ASH1L: variants seen among roughly 807,000 people sequenced by gnomAD.
The protein encoded by ASH1L is histone-lysine N-methyltransferase ASH1L.
In ASH1L, 23 loss-of-function variants were observed where a neutral mutation model predicts 269.0. The observed-to-expected ratio is 0.09, with a 90% CI of 0.06 to 0.12. The LOEUF is 0.12. ASH1L is among the 10% of genes least tolerant of loss of function. ASH1L has a pLI of 1.00. For synonymous variants in ASH1L, 1,187 were observed against 1,253.5 expected (o/e 0.95, Z 1.12); for missense variants, 2,912 against 3,567.8 (o/e 0.82, Z 4.68).
At chr1:155,443,389 A>G (rs780041784) in intron 4 of ASH1L, among the ~76,000 whole-genome samples, 9 of 152,244 alleles carry the variant, frequency 5.9e-5, no homozygotes, top group Non-Finnish European at 1.2e-4. Context: ...AGTCTAGGAC[A>G]TGATGCTGCA....
At chr1:155,367,206 C>T (rs979765313) in intron 12 of ASH1L, among the ~76,000 whole-genome samples, 2 of 152,126 alleles carry the variant, frequency 1.3e-5, no homozygotes, top group Non-Finnish European at 2.9e-5. Context: ...GTTGGTCAGA[C>T]TGGTCTCAAA....
chr1:155,411,101 T>C (rs1238945260), intron 6 of ASH1L, among the ~76,000 whole-genome samples: 3 of 152,128 alleles, frequency 2.0e-5, no homozygotes, highest in Non-Finnish European at 4.4e-5. Context: ...AGTGGGCAGG[T>C]TGTGTGTATG....
At chr1:155,426,323 G>A (rs1244983331) in intron 5 of ASH1L, among the ~76,000 whole-genome samples, 2 of 151,958 alleles carry the variant, frequency 1.3e-5, no homozygotes, top group East Asian at 3.9e-4. Context: ...ACCTGCCTTG[G>A]CCTCCCAAAG....
intron 3 of ASH1L, among the ~76,000 whole-genome samples, chr1:155,470,387 A>T (rs1665006826): frequency 6.6e-6 from 1 of 151,922 alleles, no homozygotes; most frequent in South Asian, 2.1e-4. Context: ...TGAGCCTGGG[A>T]GGCGGAGGTT....
intron 10 of ASH1L, among the ~76,000 whole-genome samples, chr1:155,376,952 G>A (rs936011613): frequency 1.3e-5 from 2 of 151,284 alleles, no homozygotes; most frequent in African/African-American, 2.4e-5. Flanking sequence ...TTGTTGCCCA[G>A]GCTGGAGTGC....
At chr1:155,489,773 A>G (rs1666623508) in intron 2 of ASH1L, among the ~76,000 whole-genome samples, 1 of 147,926 alleles carries the variant, frequency 6.8e-6, no homozygotes, top group South Asian at 2.1e-4. Flanking sequence ...AAATAAATAA[A>G]TAAATGGGGA....
rs768942741 is a variant in ASH1L, at chr1:155,357,370, G to A, written c.7001C>T (p.Thr2334Ile). ...LSEEPSENIN[T>I]PTRLTPQLQM... ...TAATTGGGGGGTCAATCTAGTTGGG[G>A]TGTTGATATTTTCACTGGGTTCCTC... The change falls in exon 15 of 28, where the codon ACC becomes ATC. Residue 2334 changes from threonine to isoleucine, a missense_variant. Coordinates refer to ENST00000392403, the MANE Select transcript of ASH1L (RefSeq NM_018489.3). 3 of 1,613,868 alleles carry A rather than the reference G, an allele frequency of 1.9e-6. No individual in the cohort carries two copies. Among genetic ancestry groups the A allele is most frequent in the Non-Finnish European group, 2.5e-6 (3 of 1,179,936 alleles).
At chr1:155,508,797 A>G (rs1164195857) in intron 2 of ASH1L, among the ~76,000 whole-genome samples, 1 of 152,200 alleles carries the variant, frequency 6.6e-6, no homozygotes, top group African/African-American at 2.4e-5. Flanking sequence ...GCTGCCTCAT[A>G]GGAGTAAGAA....
chr1:155,412,500 G>C (rs1466157764), intron 6 of ASH1L, among the ~76,000 whole-genome samples: 1 of 152,180 alleles, frequency 6.6e-6, no homozygotes, highest in African/African-American at 2.4e-5. Context: ...TTCCTGGAGG[G>C]TAGTGCGCCC....
intron 4 of ASH1L, among the ~76,000 whole-genome samples, chr1:155,444,995 T>C (rs1662899710): frequency 6.6e-6 from 1 of 152,054 alleles, no homozygotes; most frequent in Non-Finnish European, 1.5e-5. Flanking sequence ...TCTTAAAGAT[T>C]TTTTCCTATT....
intron 2 of ASH1L, among the ~76,000 whole-genome samples, chr1:155,514,345 C>T (rs1668363976): frequency 6.6e-6 from 1 of 152,126 alleles, no homozygotes; most frequent in Non-Finnish European, 1.5e-5. Context: ...CATATACACA[C>T]ATTTATTTTT....
rs545408345 is a variant in ASH1L at position 155,521,441 on chromosome 1, T to C, written c.79A>G (p.Ser27Gly). 7 of 1,613,974 alleles carry C rather than the reference T, an allele frequency of 4.3e-6. No individual in the cohort carries two copies. In the East Asian group the frequency reaches 1.3e-4, roughly 31 times the overall value. The change falls in exon 2 of 28, where the codon AGT becomes GGT. Residue 27 changes from serine to glycine, a missense_variant. By Grantham distance (56) the Ser-to-Gly change is moderately conservative (BLOSUM62 0). Transcript: ENST00000392403. ...CTCTTACTGACCAATGTGCCAGTAC[T>C]GATGGCAGAAGGACTCTTTCTTGAA... ...GFSRKSPSAI[S>G]TGTLVSKREV...
chr1:155,378,213 C>A, intron 10 of ASH1L, 68 bp downstream of exon 10: 1 of 1,201,190 alleles, frequency 8.3e-7, no homozygotes. Flanking sequence ...TTAACTGTAC[C>A]CTCCAAAGGA....
chr1:155,521,475 G>C lies in ASH1L; in HGVS notation c.45C>G (p.Ser15=). ...AAGGACTCTTTCTTGAAAAACCTTC[G>C]GAATCAGAACCCAATCCTAACATAG... ...NTAMLGLGSD[S]EGFSRKSPSA... Residue 15 remains serine (S), a synonymous_variant, in exon 2 of 28, where the codon TCC becomes TCG. Transcript: ENST00000392403. 1.2e-6 allele frequency: 2 copies of C among 1,613,804 alleles called. No individual in the cohort carries two copies. Among genetic ancestry groups the C allele is most frequent in the Non-Finnish European group, 1.7e-6 (2 of 1,179,968 alleles).
At chr1:155,450,855 A>G (rs1190747410) in intron 4 of ASH1L, among the ~76,000 whole-genome samples, 1 of 152,178 alleles carries the variant, frequency 6.6e-6, no homozygotes, top group East Asian at 1.9e-4. Context: ...ATACAAAGGA[A>G]TATTATTCAG....
intron 24 of ASH1L, 32 bp from the exon 25 acceptor site, chr1:155,342,134 T>G (rs757345668): frequency 6.2e-7 from 1 of 1,606,874 alleles, no homozygotes; most frequent in Non-Finnish European, 8.5e-7. Context: ...AGGAATCCTA[T>G]TTAGCCATTT....
intron 2 of ASH1L, among the ~76,000 whole-genome samples, chr1:155,502,864 G>A (rs1470114673): frequency 1.3e-5 from 2 of 152,056 alleles, no homozygotes; most frequent in African/African-American, 4.8e-5. Flanking sequence ...GGTAATTTTA[G>A]TTATCGAGGT....
At chr1:155,409,736 G>C (rs985854761) in intron 6 of ASH1L, among the ~76,000 whole-genome samples, 14 of 152,098 alleles carry the variant, frequency 9.2e-5, no homozygotes, top group Admixed American at 9.2e-4. Flanking sequence ...AAAATGTTGA[G>C]ATTACAGGCA....
intron 4 of ASH1L, among the ~76,000 whole-genome samples, chr1:155,441,849 G>A (rs1225144315): frequency 1.4e-5 from 2 of 141,504 alleles, no homozygotes; most frequent in Non-Finnish European, 3.0e-5. Flanking sequence ...CACCGCAACC[G>A]CCACCTCCCA....
Sources: gnomAD v4.1 joint callset for allele counts (sites outside exome capture counted in the v4.1 genomes callset) on GRCh38, gnomAD v4.1.1 for gene constraint, MANE v1.5 for transcripts, NCBI Gene and HGNC (gene_info 2026-07-23, HGNC 2026-07-21) for gene names.